The following KIAA1549L variants were observed in gnomAD, a reference collection of about 807,000 sequenced individuals.
KIAA1549L encodes the protein KIAA1549 like, also known as UPF0606 protein KIAA1549L.
In KIAA1549L, 88 loss-of-function variants were observed where a neutral mutation model predicts 160.7. The ratio of observed to expected loss-of-function variants is 0.55; its 90% CI spans 0.46 to 0.65. The LOEUF (loss-of-function observed/expected upper bound fraction) is 0.65, where lower values mean the gene tolerates loss of function less well. Ranked by LOEUF, KIAA1549L falls within the 30% of genes least tolerant of loss-of-function variation. The pLI, the probability that KIAA1549L is intolerant of heterozygous loss-of-function variation, is 0.00. For missense variants in KIAA1549L, 2,258 were observed against 2,437.5 expected (o/e 0.93, Z 1.55); for synonymous variants, 950 against 976.7 (o/e 0.97, Z 0.51).
Position 33,609,790 on chromosome 11 carries a change from T to A in KIAA1549L, c.5103T>A (p.Tyr1701Ter). The change falls in exon 15 of 21, where the codon TAT becomes TAA. Residue 1701 changes from tyrosine (Y) to a stop codon, truncating the protein, a stop_gained. Coordinates refer to ENST00000658780, the MANE Select transcript of KIAA1549L (RefSeq NM_012194.3). LOFTEE classifies it high-confidence loss of function. ...ALKQKSDIEH[Y>*]RNKLRLKAKR... The stretch of plus-strand genomic sequence containing the variant: ...AGCAGAAGTCAGACATCGAGCACTA[T>A]CGGAACAAGCTGCGCCTCAAAGCCA... The A allele has an allele frequency of 6.2e-7, 1 of 1,612,818 alleles. No individual in the cohort carries two copies. Among genetic ancestry groups the A allele is most frequent in the Non-Finnish European group, 8.5e-7 (1 of 1,179,426 alleles).
chr11:33,424,420 AG>A (rs1235709178), intron 1 of KIAA1549L, among the ~76,000 whole-genome samples: 1 of 152,192 alleles, frequency 6.6e-6, no homozygotes, highest in Non-Finnish European at 1.5e-5. Flanking sequence ...TCCACCTTGC[AG>A]TCTTAATTTG....
chr11:33,674,013 G>A lies in KIAA1549L; in HGVS notation c.*5859G>A, dbSNP rs905946142. ...CTTCGCTTTCTAATGAACTTTGTACGTCCTTAGCCTCTGCCGGGAACAGAG... is the reference window on the plus strand; with the variant it reads ...CTTCGCTTTCTAATGAACTTTGTACATCCTTAGCCTCTGCCGGGAACAGAG... On this transcript the variant is annotated 3_prime_UTR_variant, in exon 21 of 21. Transcript: ENST00000658780. 1.3e-5 allele frequency: 2 copies of A among 152,188 alleles called. No homozygotes were observed. The highest frequency in any genetic ancestry group is 2.1e-4 in the South Asian group (1 of 4,838). 9.4% of individuals were successfully genotyped at this position (152,188 alleles called of 1,614,324 possible).
chr11:33,613,916 A>G (rs1850712633), intron 15 of KIAA1549L, among the ~76,000 whole-genome samples: 1 of 152,186 alleles, frequency 6.6e-6, no homozygotes, highest in Non-Finnish European at 1.5e-5. Flanking sequence ...AGTACATAAC[A>G]TAATTGAGAT....
chr11:33,553,012 G>A (rs1854519949), intron 6 of KIAA1549L, among the ~76,000 whole-genome samples: 1 of 152,152 alleles, frequency 6.6e-6, no homozygotes, highest in Admixed American at 6.5e-5. Context: ...TGGCATGAGT[G>A]AGGAGGAAGT....
chr11:33,569,549 G>A (rs1045664871), intron 9 of KIAA1549L, among the ~76,000 whole-genome samples: 4 of 152,194 alleles, frequency 2.6e-5, no homozygotes, highest in African/African-American at 9.7e-5. Context: ...CATAGTCTGT[G>A]TGCAAATCCT....
intron 8 of KIAA1549L, among the ~76,000 whole-genome samples, chr11:33,566,106 A>G (rs1311299576): frequency 1.3e-5 from 2 of 152,230 alleles, no homozygotes; most frequent in South Asian, 2.1e-4. Flanking sequence ...GGGATCAGGT[A>G]TATCCACAAT....
At chr11:33,607,243 G>T (rs1203902316) in intron 14 of KIAA1549L, among the ~76,000 whole-genome samples, 1 of 152,116 alleles carries the variant, frequency 6.6e-6, no homozygotes, top group Non-Finnish European at 1.5e-5. Flanking sequence ...ATATGGACAG[G>T]GATGTGGGCC....
At chr11:33,492,064 C>G (rs538345439) in intron 1 of KIAA1549L, among the ~76,000 whole-genome samples, 73 of 152,242 alleles carry the variant, frequency 4.8e-4, no homozygotes, top group Non-Finnish European at 8.5e-4. Context: ...CCCAGGGAGA[C>G]ACATACATGC....
At chr11:33,464,948 C>T (rs1337993548) in intron 1 of KIAA1549L, among the ~76,000 whole-genome samples, 5 of 151,314 alleles carry the variant, frequency 3.3e-5, no homozygotes, top group Admixed American at 3.3e-4. Context: ...AATCTAAGAA[C>T]ATGCCTTGGG....
intron 9 of KIAA1549L, among the ~76,000 whole-genome samples, chr11:33,574,060 G>A (rs745762210): frequency 6.6e-6 from 1 of 152,074 alleles, no homozygotes; most frequent in Non-Finnish European, 1.5e-5. Context: ...GGTTGTGTGG[G>A]CAAAAACGAA....
At chr11:33,432,125 C>T (rs1213704720) in intron 1 of KIAA1549L, among the ~76,000 whole-genome samples, 1 of 152,250 alleles carries the variant, frequency 6.6e-6, no homozygotes, top group Non-Finnish European at 1.5e-5. Context: ...TCGCACCTCT[C>T]CCTCCACACC....
chr11:33,575,347 G>T (rs1444494761), intron 10 of KIAA1549L, among the ~76,000 whole-genome samples: 1 of 152,234 alleles, frequency 6.6e-6, no homozygotes, highest in Non-Finnish European at 1.5e-5. Flanking sequence ...AAGGCAGTGT[G>T]TGTTAGGGGG....
At chr11:33,602,265 T>C (rs1469533385) in intron 13 of KIAA1549L, among the ~76,000 whole-genome samples, 1 of 152,208 alleles carries the variant, frequency 6.6e-6, no homozygotes, top group Non-Finnish European at 1.5e-5. Flanking sequence ...GATGAATTAC[T>C]AATTTATTAG....
intron 9 of KIAA1549L, among the ~76,000 whole-genome samples, chr11:33,572,845 G>A (rs1855311125): frequency 6.6e-6 from 1 of 152,182 alleles, no homozygotes; most frequent in Non-Finnish European, 1.5e-5. Context: ...CTTAGGGTTG[G>A]TGTACATTAA....
At chr11:33,637,801 T>G (rs1050386277) in intron 16 of KIAA1549L, among the ~76,000 whole-genome samples, 7 of 152,232 alleles carry the variant, frequency 4.6e-5, no homozygotes, top group African/African-American at 1.7e-4. Context: ...AAGGGTCCAC[T>G]CTAATGACCT....
At chr11:33,572,353 T>C (rs552059837) in intron 9 of KIAA1549L, among the ~76,000 whole-genome samples, 1 of 152,308 alleles carries the variant, frequency 6.6e-6, no homozygotes, top group South Asian at 2.1e-4. Context: ...TTCAAACTTG[T>C]AGAAAAGTTG....
At chr11:33,415,441 A>T (rs2761202) in intron 1 of KIAA1549L, among the ~76,000 whole-genome samples, 4,496 of 152,188 alleles carry the variant, frequency 0.03, 221 homozygotes, top group African/African-American at 0.1. Context: ...GAACATGCTC[A>T]TTGGGGATCC....
chr11:33,625,675 T>C (rs1383697509), intron 16 of KIAA1549L, among the ~76,000 whole-genome samples: 1 of 152,066 alleles, frequency 6.6e-6, no homozygotes, highest in East Asian at 1.9e-4. Flanking sequence ...GTCAGATGAG[T>C]AGGTTGTGAA....
intron 1 of KIAA1549L, among the ~76,000 whole-genome samples, chr11:33,429,220 C>T (rs1177923788): frequency 6.6e-6 from 1 of 152,182 alleles, no homozygotes; most frequent in Non-Finnish European, 1.5e-5. Context: ...GATCCGCCCA[C>T]CTCGGCCTCC....
Sources: allele counts gnomAD v4.1 joint callset (sites outside exome capture counted in the v4.1 genomes callset), GRCh38; gene constraint gnomAD v4.1.1; transcripts MANE v1.5; gene names NCBI Gene and HGNC (gene_info 2026-07-23, HGNC 2026-07-21).